The following SLC12A2 variants were observed in gnomAD, a reference collection of about 807,000 sequenced individuals.
SLC12A2 encodes the protein solute carrier family 12 member 2.
SLC12A2 carries 67 observed loss-of-function variants against 136.3 expected under a neutral mutation model. That is an observed-to-expected ratio of 0.49 (90% CI 0.40 to 0.60). SLC12A2 has a LOEUF of 0.60. Ranked by LOEUF, SLC12A2 falls within the 20% of genes least tolerant of loss-of-function variation. SLC12A2 has a pLI of 0.00. For missense variants in SLC12A2, 1,322 were observed against 1,534.7 expected, an observed-to-expected ratio of 0.86 and a Z score of 2.32; for synonymous variants, 619 against 562.9, an observed-to-expected ratio of 1.10 and a Z score of -1.41.
rs748049723 is a variant in SLC12A2, at chr5:128,084,413, A to G, written c.459A>G (p.Glu153=). 7.6e-5 allele frequency: 122 copies of G among 1,611,844 alleles called. No individual in the cohort carries two copies. Among genetic ancestry groups the G allele is most frequent in the Non-Finnish European group, 9.2e-5 (108 of 1,179,242 alleles). Reference sequence around the variant, plus strand: ...ACCCAGCTGCCTCCTCGTCGGCTGAAGACAGCCTGTCAGATGCTGCCGGGG... The same window carrying G: ...ACCCAGCTGCCTCCTCGTCGGCTGAGGACAGCCTGTCAGATGCTGCCGGGG... The part of the protein sequence containing the change: ...FVDPAASSSA[E]DSLSDAAGVG... The change falls in exon 1 of 27, where the codon GAA becomes GAG. Residue 153 remains glutamate, a synonymous_variant. Transcript: ENST00000262461. The surrounding 1 kb of genome is among the most constrained non-coding windows in gnomAD (Gnocchi z 5.6).
Position 128,188,887 on chromosome 5 carries a change from G to C in SLC12A2, c.*2256G>C, listed in dbSNP as rs989963130. ...ATGGATAATAGGGCATGGACTGAGT[G>C]CTGCTATCTTGAAATGTGCACAGGT... On this transcript the variant is annotated 3_prime_UTR_variant, in exon 27 of 27. Transcript: ENST00000262461. 4.6e-5 allele frequency: 7 copies of C among 151,326 alleles called. No homozygotes were observed. The highest frequency in any genetic ancestry group is 1.7e-4 in the African/African-American group (7 of 40,970). 9.4% of individuals were successfully genotyped at this position (151,326 alleles called of 1,614,324 possible). A position where few individuals can be genotyped will look rare whatever the true frequency, so the allele number is the denominator to read the frequency against.
chr5:128,129,763 G>A (rs1761947190), intron 4 of SLC12A2, among the ~76,000 whole-genome samples: 1 of 152,044 alleles, frequency 6.6e-6, no homozygotes, highest in Non-Finnish European at 1.5e-5. Context: ...TATGTATATA[G>A]CTTTATGTAA....
In SLC12A2 at chr5:128,178,294, TTACA is replaced by T. The variant is rs1202301028; in HGVS notation, c.2978-271_2978-268del. ...TTTTTTATTGTTATTTATGATTCTC[TTACA>T]TTCATTCAGAATGCTTGAAAATATT... On this transcript the variant is annotated intron_variant, in intron 21 of 26. Coordinates refer to ENST00000262461, the MANE Select transcript of SLC12A2 (RefSeq NM_001046.3). 3.2e-4 allele frequency: 67 copies of T among 206,742 alleles called. No individual in the cohort carries two copies. In the East Asian group the frequency reaches 6.5e-3, roughly 20 times the overall value. 12.8% of individuals were successfully genotyped at this position (206,742 alleles called of 1,614,324 possible).
At chr5:128,168,066 A>G (rs956651574) in intron 18 of SLC12A2, 199 bp downstream of exon 18, 16 of 448,522 alleles carry the variant, frequency 3.6e-5, no homozygotes, top group Non-Finnish European at 5.5e-5. Flanking sequence ...GTCTCTTTAC[A>G]TACATGCATA....
intron 1 of SLC12A2, among the ~76,000 whole-genome samples, chr5:128,095,969 C>A (rs1760522692): frequency 6.6e-6 from 1 of 152,144 alleles, no homozygotes; most frequent in South Asian, 2.1e-4. Flanking sequence ...CAAGTACTAT[C>A]TATCAAAGTT....
chr5:128,094,606 T>C lies in SLC12A2; in HGVS notation c.756+9896T>C, dbSNP rs1247988242. On this transcript the variant is annotated intron_variant, in intron 1 of 26. Coordinates refer to ENST00000262461, the MANE Select transcript of SLC12A2 (RefSeq NM_001046.3). ...GTTTTTATATCCATTGAATATAAAA[T>C]AGAAAAGATTTAGGCTGCAGAGTTC... Among the ~76,000 whole-genome samples, 8 of 152,160 alleles carry C rather than the reference T, an allele frequency of 5.3e-5. No individual in the cohort carries two copies. In the East Asian group the frequency reaches 1.5e-3, roughly 29 times the overall value.
chr5:128,113,076 A>C, intron 2 of SLC12A2, 143 bp downstream of exon 2: 1 of 584,890 alleles, frequency 1.7e-6, no homozygotes, highest in East Asian at 3.3e-5. Context: ...AACCAAATTA[A>C]TAGCTTGTAC....
intron 25 of SLC12A2, 140 bp downstream of exon 25, chr5:128,184,641 C>T (rs1763811739): frequency 2.2e-6 from 3 of 1,394,180 alleles, no homozygotes; most frequent in Non-Finnish European, 2.9e-6. Flanking sequence ...TAGTGGAAAG[C>T]ATTTTTAAAA....
chr5:128,135,753 A>G lies in SLC12A2; in HGVS notation c.1353A>G (p.Ile451Met). 1.9e-6 allele frequency: 3 copies of G among 1,612,846 alleles called. No individual in the cohort carries two copies. The highest frequency in any genetic ancestry group is 2.5e-6 in the Non-Finnish European group (3 of 1,179,074). Residue 451 changes from isoleucine (I) to methionine (M), a missense_variant, in exon 7 of 27, where the codon ATA becomes ATG. This residue lies in a region of SLC12A2 where 110 missense variants were observed against 114.5 expected (regional missense o/e 0.96). Transcript: ENST00000262461. The part of the protein sequence containing the change: ...ILLLAIGDFV[I>M]GTFIPLESKK... ...TTCTTGCTATTGGTGATTTCGTCAT[A>G]GGAACATTTATCCCACTGGAGAGCA... is the stretch of plus-strand genomic sequence containing the variant.
intron 11 of SLC12A2, among the ~76,000 whole-genome samples, chr5:128,148,541 A>C (rs1186397002): frequency 6.6e-6 from 1 of 151,788 alleles, no homozygotes; most frequent in Non-Finnish European, 1.5e-5. Flanking sequence ...GGGATAGGGT[A>C]AGGCAGATAG....
chr5:128,120,334 T>TCCCTTTAC (rs529549538), intron 4 of SLC12A2, among the ~76,000 whole-genome samples: 1 of 123,096 alleles, frequency 8.1e-6, no homozygotes, highest in African/African-American at 3.2e-5. Context: ...AGAAATACCA[T>TCCCTTTAC]TTGACCCAGC....
chr5:128,141,150 T>C (rs1367802898), intron 9 of SLC12A2, among the ~76,000 whole-genome samples: 1 of 152,190 alleles, frequency 6.6e-6, no homozygotes, highest in East Asian at 1.9e-4. Context: ...TTTTCAATTT[T>C]ATGGAAAAGT....
At chr5:128,178,915 A>G (rs561869467) in intron 22 of SLC12A2, among the ~76,000 whole-genome samples, 10 of 152,188 alleles carry the variant, frequency 6.6e-5, no homozygotes, top group African/African-American at 2.4e-4. Context: ...TCATGACCTT[A>G]ACTTTTTTTT....
Position 128,084,373 on chromosome 5 carries a change from G to T in SLC12A2, c.419G>T (p.Arg140Leu). The change falls in exon 1 of 27, where the codon CGC (arginine) becomes CTC (leucine). Residue 140 changes from arginine (R) to leucine (L), a missense_variant. Around this residue, in one of 8 missense-constraint regions of SLC12A2, gnomAD observed 358 missense variants for 299.7 expected, o/e 1.19. Coordinates refer to ENST00000262461, the MANE Select transcript of SLC12A2 (RefSeq NM_001046.3). The surrounding 1 kb of genome is among the most constrained non-coding windows in gnomAD (Gnocchi z 5.6). Reference protein sequence around the residue: ...KGSEEAKGRFRVNFVDPAASS... With the variant: ...KGSEEAKGRFLVNFVDPAASS... ...AGCGAGGAAGCCAAGGGCCGCTTCC[G>T]CGTGAACTTCGTGGACCCAGCTGCC... is the stretch of plus-strand genomic sequence containing the variant. 1 of 1,605,390 alleles carries T rather than the reference G, an allele frequency of 6.2e-7. No homozygotes were observed. The highest frequency in any genetic ancestry group is 8.5e-7 in the Non-Finnish European group (1 of 1,177,670).
chr5:128,094,202 T>C (rs1049293431), intron 1 of SLC12A2, among the ~76,000 whole-genome samples: 2 of 151,050 alleles, frequency 1.3e-5, no homozygotes, highest in African/African-American at 2.4e-5. Flanking sequence ...GACTTTGTGA[T>C]TGATCACCAT....
At chr5:128,142,045 A>C in intron 10 of SLC12A2, 64 bp downstream of exon 10, 4 of 1,338,180 alleles carry the variant, frequency 3.0e-6, no homozygotes, top group Non-Finnish European at 4.2e-6. Context: ...CTACTATCAA[A>C]TATGACCATT....
intron 10 of SLC12A2, among the ~76,000 whole-genome samples, chr5:128,144,585 A>G (rs991745659): frequency 3.9e-5 from 6 of 152,152 alleles, no homozygotes; most frequent in Non-Finnish European, 8.8e-5. Flanking sequence ...CTGTTGCCTA[A>G]TAAACAAAAT....
chr5:128,123,632 G>T (rs527695376), intron 4 of SLC12A2, among the ~76,000 whole-genome samples: 2 of 152,110 alleles, frequency 1.3e-5, no homozygotes, highest in Admixed American at 6.6e-5. Context: ...ATTTTGAAGG[G>T]TTATTTATTG....
intron 10 of SLC12A2, among the ~76,000 whole-genome samples, chr5:128,145,906 G>A (rs1272061316): frequency 2.6e-5 from 4 of 151,968 alleles, no homozygotes; most frequent in Non-Finnish European, 5.9e-5. Flanking sequence ...CACCAATGAA[G>A]CAGAGAATCT....
Sources: gnomAD v4.1 joint callset for allele counts (sites outside exome capture counted in the v4.1 genomes callset) on GRCh38, gnomAD v4.1.1 for gene constraint, gnomAD v4.1.1 regional missense constraint, Gnocchi (gnomAD v3.1) non-coding constraint, MANE v1.5 for transcripts, NCBI Gene and HGNC (gene_info 2026-07-23, HGNC 2026-07-21) for gene names.